KCNQ5: variants seen among roughly 807,000 people sequenced by gnomAD.
KCNQ5 encodes potassium voltage-gated channel subfamily KQT member 5.
KCNQ5 carries 30 observed loss-of-function variants against 98.2 expected under a neutral mutation model. That is an observed-to-expected ratio of 0.31 (90% CI 0.23 to 0.41). KCNQ5 has a LOEUF of 0.41. Among genes scored for constraint, KCNQ5 ranks in the 10% least tolerant of loss-of-function variants. KCNQ5 has a pLI of 1.00. For missense variants in KCNQ5, 835 were observed against 1,182.5 expected (o/e 0.71, Z 4.31); for synonymous variants, 458 against 449.4 (o/e 1.02, Z -0.24).
chr6:72,622,837 G>C lies in KCNQ5; in HGVS notation c.398+250G>C, dbSNP rs976114448. Among the ~76,000 whole-genome samples, 1 of 152,138 alleles carries C rather than the reference G, an allele frequency of 6.6e-6. No individual in the cohort carries two copies. The highest frequency in any genetic ancestry group is 2.4e-5 in the African/African-American group (1 of 41,432). On this transcript the variant is annotated intron_variant, in intron 1 of 13. Transcript: ENST00000370398. The surrounding 1 kb of genome is among the most constrained non-coding windows in gnomAD (Gnocchi z 6.0). ...AACTGCCCGGTAGCTTCAGGCTCCCGGGGCGAGAGCCAGGCAGACGCGGGA... is the reference window on the plus strand; with the variant it reads ...AACTGCCCGGTAGCTTCAGGCTCCCCGGGCGAGAGCCAGGCAGACGCGGGA...
At chr6:73,008,900 A>G (rs1026476948) in intron 2 of KCNQ5, among the ~76,000 whole-genome samples, 2 of 152,216 alleles carry the variant, frequency 1.3e-5, no homozygotes, top group Non-Finnish European at 2.9e-5. Flanking sequence ...GATACCACAC[A>G]AAGTATTTTT....
intron 1 of KCNQ5, among the ~76,000 whole-genome samples, chr6:72,637,025 T>C (rs1013084452): frequency 4.0e-5 from 6 of 151,846 alleles, no homozygotes; most frequent in Non-Finnish European, 8.8e-5. Context: ...ATTCCCACAC[T>C]GAGACCAACA....
At chr6:72,656,785 G>A (rs1766215596) in intron 1 of KCNQ5, among the ~76,000 whole-genome samples, 1 of 151,974 alleles carries the variant, frequency 6.6e-6, no homozygotes, top group South Asian at 2.1e-4. Context: ...CTCTGGCTCT[G>A]ACACTTTTGG....
intron 2 of KCNQ5, among the ~76,000 whole-genome samples, chr6:73,028,921 G>A (rs1364170505): frequency 6.6e-6 from 1 of 152,116 alleles, no homozygotes; most frequent in East Asian, 1.9e-4. Context: ...GAGTAGAGGA[G>A]GGTTTCAAGT....
At chr6:72,893,574 G>C (rs1015734397) in intron 1 of KCNQ5, among the ~76,000 whole-genome samples, 1 of 152,062 alleles carries the variant, frequency 6.6e-6, no homozygotes, top group African/African-American at 2.4e-5. Context: ...ATATTGTACT[G>C]TTTTCTTTCC....
At chr6:72,783,152 C>A (rs1038146892) in intron 1 of KCNQ5, among the ~76,000 whole-genome samples, 3 of 152,104 alleles carry the variant, frequency 2.0e-5, no homozygotes, top group Non-Finnish European at 2.9e-5. Flanking sequence ...GATGAATGGG[C>A]ATTTCCTAGA....
At chr6:73,075,250 G>A (rs1773479713) in intron 3 of KCNQ5, among the ~76,000 whole-genome samples, 1 of 144,152 alleles carries the variant, frequency 6.9e-6, no homozygotes, top group South Asian at 2.1e-4. Flanking sequence ...TTGAGACGCA[G>A]TCTTGCTCTG....
intron 1 of KCNQ5, among the ~76,000 whole-genome samples, chr6:72,846,373 T>C (rs1366522298): frequency 6.6e-6 from 1 of 152,122 alleles, no homozygotes; most frequent in Non-Finnish European, 1.5e-5. Flanking sequence ...CTTCATAGTC[T>C]CACCACTCTT....
chr6:72,922,815 T>TCTTTC (rs1554186017), intron 1 of KCNQ5, among the ~76,000 whole-genome samples: 1 of 132,416 alleles, frequency 7.6e-6, no homozygotes, highest in African/African-American at 2.9e-5. Context: ...TTTTTCTTTT[T>TCTTTC]TTTTTTTTTT....
intron 1 of KCNQ5, among the ~76,000 whole-genome samples, chr6:72,672,434 T>G (rs1443864363): frequency 1.3e-5 from 2 of 151,966 alleles, no homozygotes; most frequent in Non-Finnish European, 2.9e-5. Context: ...AAACATAGAG[T>G]AAGCATTTTT....
intron 10 of KCNQ5, among the ~76,000 whole-genome samples, chr6:73,151,272 TTTA>T (rs1777136778): frequency 6.6e-6 from 1 of 152,222 alleles, no homozygotes; most frequent in South Asian, 2.1e-4. Flanking sequence ...CCATTTTCTA[TTTA>T]TTTTAGTTAT....
chr6:73,074,755 T>TA (rs5877347), intron 3 of KCNQ5, among the ~76,000 whole-genome samples: 3 of 146,392 alleles, frequency 2.0e-5, no homozygotes, highest in Admixed American at 6.8e-5. Flanking sequence ...TAATGTTTAT[T>TA]AAAAAAAAAA....
At chr6:73,033,263 T>A (rs889710985) in intron 2 of KCNQ5, among the ~76,000 whole-genome samples, 4 of 152,024 alleles carry the variant, frequency 2.6e-5, no homozygotes, top group African/African-American at 4.8e-5. Flanking sequence ...CAATACCTGA[T>A]AAAAAACCAG....
intron 1 of KCNQ5, among the ~76,000 whole-genome samples, chr6:72,785,405 T>G (rs1369066454): frequency 6.6e-6 from 1 of 151,880 alleles, no homozygotes; most frequent in Non-Finnish European, 1.5e-5. Context: ...TCCCAGCACT[T>G]TGGGAGGCCG....
chr6:72,701,817 T>G (rs190350635), intron 1 of KCNQ5, among the ~76,000 whole-genome samples: 1 of 152,268 alleles, frequency 6.6e-6, no homozygotes, highest in African/African-American at 2.4e-5. Flanking sequence ...GGGGCTCAAG[T>G]GATCCTGCCA....
chr6:72,706,505 A>G (rs906069235), intron 1 of KCNQ5, among the ~76,000 whole-genome samples: 14 of 152,080 alleles, frequency 9.2e-5, no homozygotes, highest in Non-Finnish European at 1.9e-4. Flanking sequence ...ATATATTTAC[A>G]TATTTTTAAT....
At chr6:72,689,683 T>G (rs747062391) in intron 1 of KCNQ5, among the ~76,000 whole-genome samples, 10 of 152,216 alleles carry the variant, frequency 6.6e-5, no homozygotes, top group Non-Finnish European at 1.2e-4. Flanking sequence ...ATTGATACTG[T>G]GGTAAAATTT....
At chr6:72,846,212 C>CAT (rs993732002) in intron 1 of KCNQ5, among the ~76,000 whole-genome samples, 3 of 151,992 alleles carry the variant, frequency 2.0e-5, no homozygotes, top group Non-Finnish European at 4.4e-5. Flanking sequence ...ACATTTGTTT[C>CAT]ATATATATAT....
intron 1 of KCNQ5, among the ~76,000 whole-genome samples, chr6:72,633,315 C>T (rs1158312886): frequency 6.6e-6 from 1 of 152,014 alleles, no homozygotes; most frequent in African/African-American, 2.4e-5. Context: ...TCATAGACTT[C>T]GGATATTAGA....
Sources: allele counts gnomAD v4.1 joint callset (sites outside exome capture counted in the v4.1 genomes callset), GRCh38; gene constraint gnomAD v4.1.1; non-coding constraint Gnocchi (gnomAD v3.1); transcripts MANE v1.5; gene names NCBI Gene and HGNC (gene_info 2026-07-23, HGNC 2026-07-21).